The following RYR3 variants were observed in gnomAD, a reference collection of about 807,000 sequenced individuals.
The protein encoded by RYR3 is brain ryanodine receptor-calcium release channel.
RYR3 carries 207 observed loss-of-function variants against 584.3 expected under a neutral mutation model. That is an observed-to-expected ratio of 0.35 (90% confidence interval 0.32 to 0.40). The LOEUF is 0.40. RYR3 is among the 10% of genes least tolerant of loss of function. The probability of loss-of-function intolerance (pLI) is 1.00; values close to 1 mark genes in which losing one functional copy is unlikely to be tolerated. For missense variants in RYR3, 5,616 were observed against 6,089.2 expected (o/e 0.92, Z 2.59); for synonymous variants, 2,416 against 2,248.5 (o/e 1.07, Z -2.11).
intron 1 of RYR3, among the ~76,000 whole-genome samples, chr15:33,332,395 C>G (rs531388635): frequency 6.6e-5 from 10 of 152,114 alleles, no homozygotes; most frequent in African/African-American, 2.4e-4. Flanking sequence ...AATGTTAACA[C>G]TTATCTCAAT....
At chr15:33,820,853 G>A (rs3815965) in intron 78 of RYR3, 41 bp downstream of exon 78, 983,503 of 1,482,904 alleles carry the variant, frequency 0.66, 327,996 homozygotes, top group African/African-American at 0.81. Flanking sequence ...CACCCTCCAA[G>A]GCCAATAGGC....
At position 33,662,458 on chromosome 15, in the gene RYR3, T is replaced by A; in HGVS notation, c.4928T>A (p.Phe1643Tyr). The change falls in exon 35 of 104, where the codon TTC (phenylalanine) becomes TAC (tyrosine). Residue 1643 changes from phenylalanine to tyrosine, a missense_variant. Around this residue, in one of 9 missense-constraint regions of RYR3, gnomAD observed 753 missense variants for 741.0 expected, o/e 1.02. Coordinates refer to ENST00000634891, the MANE Select transcript of RYR3 (RefSeq NM_001036.6). ...AGCACCACCAGGAATATCCGCCTCT[T>A]CCCGGACGAGTCCAAGAGGCATGGA... ...ITSTTRNIRLFPDESKRHGLP... is the reference protein window; with the variant it reads ...ITSTTRNIRLYPDESKRHGLP... 6.2e-7 allele frequency: 1 copy of A among 1,613,946 alleles called. No individual in the cohort carries two copies. The highest frequency in any genetic ancestry group is 8.5e-7 in the Non-Finnish European group (1 of 1,179,884).
chr15:33,371,238 G>T (rs931551052), intron 1 of RYR3, among the ~76,000 whole-genome samples: 2 of 152,144 alleles, frequency 1.3e-5, no homozygotes, highest in Non-Finnish European at 2.9e-5. Flanking sequence ...AACTGGCATC[G>T]CAGGGCTTCA....
chr15:33,461,745 G>T (rs2048055605), intron 1 of RYR3, among the ~76,000 whole-genome samples: 1 of 152,184 alleles, frequency 6.6e-6, no homozygotes, highest in Non-Finnish European at 1.5e-5. Flanking sequence ...GAAAGAAATA[G>T]CCCAAACATC....
chr15:33,765,632 C>CAAAAA (rs761552773), intron 60 of RYR3, among the ~76,000 whole-genome samples: 66 of 60,644 alleles, frequency 1.1e-3, no homozygotes, highest in Non-Finnish European at 1.4e-3. Context: ...GACTCCGTCT[C>CAAAAA]AAAAAAAAAA....
rs1315171022 is a variant in RYR3, at chr15:33,816,847, A to C, written c.10503-15A>C. The C allele has an allele frequency of 6.3e-7, 1 of 1,585,804 alleles. No individual in the cohort carries two copies. The highest frequency in any genetic ancestry group is 2.2e-5 in the East Asian group (1 of 44,634). ...ATGGATCCCTCTTGACCTCCCTCTCACCCCTTCCGCTCAGGCACCGCTCTA... is the reference window on the plus strand; with the variant it reads ...ATGGATCCCTCTTGACCTCCCTCTCCCCCCTTCCGCTCAGGCACCGCTCTA... On this transcript the variant is annotated splice_polypyrimidine_tract_variant and intron_variant, in intron 74 of 103. Coordinates refer to ENST00000634891, the MANE Select transcript of RYR3 (RefSeq NM_001036.6).
At chr15:33,732,318 G>A (rs1457311016) in intron 48 of RYR3, among the ~76,000 whole-genome samples, 13 of 151,188 alleles carry the variant, frequency 8.6e-5, no homozygotes, top group African/African-American at 1.9e-4. Flanking sequence ...AACCTGGGAC[G>A]TGGAGCTTGC....
intron 3 of RYR3, among the ~76,000 whole-genome samples, chr15:33,516,297 A>G (rs1434311472): frequency 6.6e-6 from 1 of 151,182 alleles, no homozygotes; most frequent in African/African-American, 2.4e-5. Flanking sequence ...TTTAACATAC[A>G]TGTATATCCC....
intron 2 of RYR3, among the ~76,000 whole-genome samples, chr15:33,502,113 C>T (rs376731005): frequency 1.5e-3 from 230 of 152,186 alleles, no homozygotes; most frequent in African/African-American, 5.2e-3. Context: ...TGAAAATGTA[C>T]GTCACCCAGA....
rs1345569671 is a variant in RYR3, at chr15:33,739,885, T to C, written c.7710T>C (p.Ala2570=). 1 of 1,613,806 alleles carries C rather than the reference T, an allele frequency of 6.2e-7. No individual in the cohort carries two copies. The highest frequency in any genetic ancestry group is 1.1e-5 in the South Asian group (1 of 91,020). The part of the protein sequence containing the change: ...RMALPCLSAI[A]GALPPDYLDT... ...CCCTGCCTTGTCTCAGTGCTATAGC[T>C]GGGGCCTTGCCACCAGATTATTTAG... Residue 2570 remains alanine, a synonymous_variant, in exon 51 of 104, where the codon GCT becomes GCC. Transcript: ENST00000634891.
chr15:33,676,744 C>T (rs186593038), intron 38 of RYR3, among the ~76,000 whole-genome samples: 61 of 152,264 alleles, frequency 4.0e-4, no homozygotes, highest in East Asian at 3.3e-3. Flanking sequence ...ACGGGGACTC[C>T]GAGGTGTTAA....
At chr15:33,431,210 G>A (rs1293137679) in intron 1 of RYR3, among the ~76,000 whole-genome samples, 3 of 152,206 alleles carry the variant, frequency 2.0e-5, no homozygotes, top group Non-Finnish European at 4.4e-5. Flanking sequence ...CTACTGCCAC[G>A]TAACAAAAGC....
chr15:33,636,323 G>A (rs948396809), intron 26 of RYR3, 53 bp from the exon 27 acceptor site: 1 of 1,488,690 alleles, frequency 6.7e-7, no homozygotes, highest in African/African-American at 1.4e-5. Context: ...TTCTCCAGCT[G>A]CTGGGGCCTC....
intron 94 of RYR3, chr15:33,849,552 C>G (rs2078955018): frequency 6.6e-6 from 1 of 152,164 alleles, no homozygotes; most frequent in Non-Finnish European, 1.5e-5. Context: ...GTGGCCATCA[C>G]CATTAGCAAA....
At chr15:33,768,883 C>T (rs2073329885) in intron 61 of RYR3, among the ~76,000 whole-genome samples, 176 bp downstream of exon 61, 1 of 152,186 alleles carries the variant, frequency 6.6e-6, no homozygotes, top group African/African-American at 2.4e-5. Context: ...CTTTTAACTG[C>T]TCAGATTTTC....
At chr15:33,528,326 G>A (rs1043227874) in intron 3 of RYR3, among the ~76,000 whole-genome samples, 5 of 152,008 alleles carry the variant, frequency 3.3e-5, no homozygotes, top group East Asian at 1.9e-4. Flanking sequence ...ACAAACCAGC[G>A]AATGGTCTGC....
In RYR3 at chr15:33,634,621, A is replaced by C. The variant is rs2152642590; in HGVS notation, c.3063A>C (p.Pro1021=). Residue 1021 remains proline (P), a synonymous_variant, in exon 25 of 104, where the codon CCA becomes CCC. Transcript: ENST00000634891. ...LKNKRNPRLV[P]YALLDERTKK... ...ACAAAAGAAATCCCCGTCTGGTGCC[A>C]TATGCATTACTGGATGAGCGTACCA... The C allele has an allele frequency of 6.2e-7, 1 of 1,613,970 alleles. No individual in the cohort carries two copies. Among genetic ancestry groups the C allele is most frequent in the Non-Finnish European group, 8.5e-7 (1 of 1,179,860 alleles).
At chr15:33,358,496 A>C (rs1020210667) in intron 1 of RYR3, among the ~76,000 whole-genome samples, 4 of 152,180 alleles carry the variant, frequency 2.6e-5, no homozygotes, top group African/African-American at 9.7e-5. Context: ...TCCACAAAGA[A>C]AACACTTTTG....
intron 1 of RYR3, among the ~76,000 whole-genome samples, chr15:33,388,711 T>G (rs1243573584): frequency 6.6e-6 from 1 of 152,156 alleles, no homozygotes; most frequent in African/African-American, 2.4e-5. Context: ...TGATTTCAAC[T>G]TTTAGAATTC....
Sources: gnomAD v4.1 joint callset for allele counts (sites outside exome capture counted in the v4.1 genomes callset) on GRCh38, gnomAD v4.1.1 for gene constraint, gnomAD v4.1.1 regional missense constraint, MANE v1.5 for transcripts, NCBI Gene and HGNC (gene_info 2026-07-23, HGNC 2026-07-21) for gene names.